TFAP2B: variants seen among roughly 807,000 people sequenced by gnomAD.
The protein encoded by TFAP2B is transcription factor AP-2 beta, also known as transcription factor AP-2-beta.
In TFAP2B, 9 loss-of-function variants were observed where a neutral mutation model predicts 44.3. That is an observed-to-expected ratio of 0.20 (90% CI 0.12 to 0.35). The LOEUF (loss-of-function observed/expected upper bound fraction) is 0.35. Ranked by LOEUF, TFAP2B falls within the 10% of genes least tolerant of loss-of-function variation. TFAP2B has a pLI of 1.00. For synonymous variants in TFAP2B, 270 were observed against 263.8 expected (o/e 1.02, Z -0.23); for missense variants, 509 against 600.0 (o/e 0.85, Z 1.59).
chr6:50,823,763 G>A lies in TFAP2B; in HGVS notation c.438G>A (p.Arg146=). The stretch of plus-strand genomic sequence containing the variant: ...GGAGGGACTACCACTCGGTCCGCCG[G>A]CCGGACGTGCTGCTGCATTCGGCGC... ...DPRRDYHSVR[R]PDVLLHSAHH... is the part of the protein sequence containing the mutation. Residue 146 remains arginine, a synonymous_variant, in exon 2 of 7, where the codon CGG becomes CGA. Transcript: ENST00000393655. The A allele has an allele frequency of 1.2e-6, 2 of 1,601,336 alleles. No homozygotes were observed. The highest frequency in any genetic ancestry group is 1.7e-6 in the Non-Finnish European group (2 of 1,173,944).
intron 2 of TFAP2B, among the ~76,000 whole-genome samples, chr6:50,824,495 G>A (rs1770448611): frequency 6.6e-6 from 1 of 152,194 alleles, no homozygotes; most frequent in African/African-American, 2.4e-5. Flanking sequence ...TAGAATATAT[G>A]TGAAGGAGAA....
rs1337657185 is a variant in TFAP2B, at chr6:50,827,575, C to T, written c.541-1044C>T. Among the ~76,000 whole-genome samples the T allele has an allele frequency of 2.6e-5, 4 of 152,184 alleles. 1 individual carries two copies. Among genetic ancestry groups the T allele is most frequent in the African/African-American group, 9.7e-5 (4 of 41,450 alleles). On this transcript the variant is annotated intron_variant, in intron 2 of 6. Coordinates refer to ENST00000393655, the MANE Select transcript of TFAP2B (RefSeq NM_003221.4). ...GTCGGTGTGAGTGCTGTGAAAACAGCTCCTCACTCTCAAGCCCTTTGCTTT... is the reference window on the plus strand; with the variant it reads ...GTCGGTGTGAGTGCTGTGAAAACAGTTCCTCACTCTCAAGCCCTTTGCTTT...
chr6:50,820,089 G>A (rs571785151), intron 1 of TFAP2B, among the ~76,000 whole-genome samples: 11 of 152,328 alleles, frequency 7.2e-5, no homozygotes, highest in Admixed American at 6.5e-4. Context: ...GTCGAGGCGG[G>A]CGAAGCGGGC....
chr6:50,841,113 TG>T (rs1762720193), intron 6 of TFAP2B, among the ~76,000 whole-genome samples: 1 of 152,266 alleles, frequency 6.6e-6, no homozygotes, highest in Admixed American at 6.5e-5. Flanking sequence ...GATTGGAATT[TG>T]ATTGCCCCTT....
chr6:50,824,154 C>T (rs1561958796), intron 2 of TFAP2B, among the ~76,000 whole-genome samples: 1 of 152,136 alleles, frequency 6.6e-6, no homozygotes, highest in South Asian at 2.1e-4. Context: ...AGAATAAAGG[C>T]GAATGCTTTT....
chr6:50,827,137 TCCAGG>T (rs1037580108), intron 2 of TFAP2B, among the ~76,000 whole-genome samples: 26 of 152,184 alleles, frequency 1.7e-4, no homozygotes, highest in African/African-American at 6.3e-4. Flanking sequence ...GGCTCCCGGG[TCCAGG>T]CCAGTGTAAG....
intron 1 of TFAP2B, among the ~76,000 whole-genome samples, chr6:50,822,518 C>T (rs1056863363): frequency 6.6e-6 from 1 of 152,140 alleles, no homozygotes; most frequent in Non-Finnish European, 1.5e-5. Context: ...GTCCACCTCC[C>T]TCATATACAC....
chr6:50,836,298 A>C lies in TFAP2B; in HGVS notation c.821+18A>C. 1 of 1,581,800 alleles carries C rather than the reference A, an allele frequency of 6.3e-7. No homozygotes were observed. Among genetic ancestry groups the C allele is most frequent in the Non-Finnish European group, 8.7e-7 (1 of 1,153,980 alleles). On this transcript the variant is annotated intron_variant, in intron 4 of 6. Coordinates refer to ENST00000393655, the MANE Select transcript of TFAP2B (RefSeq NM_003221.4). ...CTCAGAAGGTAACCCCACCACGAAA[A>C]ACAAAAACAAAAACAAAAAAACAAA... is the stretch of plus-strand genomic sequence containing the variant.
intron 3 of TFAP2B, among the ~76,000 whole-genome samples, chr6:50,834,625 T>C (rs916355894): frequency 1.3e-5 from 2 of 152,208 alleles, no homozygotes; most frequent in African/African-American, 4.8e-5. Context: ...GTTAGAGAAA[T>C]ACACAGTATT....
In TFAP2B at chr6:50,836,109, G is replaced by A. The variant is rs762192270; in HGVS notation, c.650G>A (p.Gly217Asp). 3 of 1,614,096 alleles carry A rather than the reference G, an allele frequency of 1.9e-6. No individual in the cohort carries two copies. The highest frequency in any genetic ancestry group is 2.5e-6 in the Non-Finnish European group (3 of 1,180,028). ...ACTTCTCTAATGATGAATAAAGACG[G>A]CTTCCTGGGAGGCATGTCTGTCAAC... ...SVTSLMMNKD[G>D]FLGGMSVNTG... The change falls in exon 4 of 7, where the codon GGC (glycine) becomes GAC (aspartate). Residue 217 changes from glycine (G) to aspartate (D), a missense_variant. Transcript: ENST00000393655.
intron 5 of TFAP2B, 56 bp from the exon 6 acceptor site, chr6:50,840,100 C>T: frequency 1.9e-5 from 30 of 1,609,504 alleles, no homozygotes; most frequent in Admixed American, 3.3e-5. Flanking sequence ...ATGTCTCCGC[C>T]CTGGGATATT....
At chr6:50,828,704 TA>T in intron 3 of TFAP2B, 25 bp downstream of exon 3, 1 of 1,613,468 alleles carries the variant, frequency 6.2e-7, no homozygotes, top group Non-Finnish European at 8.5e-7. Flanking sequence ...CCCCAAAAAG[TA>T]AGCAAAGTTC....
intron 6 of TFAP2B, 101 bp downstream of exon 6, chr6:50,840,398 G>T: frequency 2.0e-6 from 3 of 1,482,006 alleles, no homozygotes; most frequent in Non-Finnish European, 2.8e-6. Flanking sequence ...AAGCCAGAGG[G>T]TTGTCTAGAA....
intron 6 of TFAP2B, among the ~76,000 whole-genome samples, chr6:50,841,318 C>T (rs760048776): frequency 1.3e-5 from 2 of 152,150 alleles, no homozygotes; most frequent in Admixed American, 6.5e-5. Flanking sequence ...CAAAACCTGG[C>T]ATCCACCCTC....
rs1770251435 is a variant in TFAP2B, at chr6:50,819,086, T to G, written c.81+114T>G. 6.6e-6 allele frequency: 7 copies of G among 1,054,724 alleles called. No homozygotes were observed. The Admixed American group carries it at 1.0e-4, about 15-fold the overall frequency. 65.3% of individuals were successfully genotyped at this position (1,054,724 alleles called of 1,614,324 possible). A position where few individuals can be genotyped will look rare whatever the true frequency, so the allele number is the denominator to read the frequency against. On this transcript the variant is annotated intron_variant, in intron 1 of 6. Transcript: ENST00000393655. ...TATTTACTCGTAGATTTCCGGTCGG[T>G]TTTCTCAGCTTTTTTTAACTTTTAG...
intron 3 of TFAP2B, among the ~76,000 whole-genome samples, chr6:50,829,888 A>G (rs1770627757): frequency 6.6e-6 from 1 of 152,174 alleles, no homozygotes. Context: ...CTTGGAATGA[A>G]TATCCTAAAG....
chr6:50,841,439 G>T (rs1319634057), intron 6 of TFAP2B, among the ~76,000 whole-genome samples: 3 of 144,422 alleles, frequency 2.1e-5, no homozygotes, highest in Non-Finnish European at 3.1e-5. Context: ...GGGTGTGTGT[G>T]TGGGGGGGAT....
In TFAP2B at chr6:50,836,293, C is replaced by G. The variant is rs753351439; in HGVS notation, c.821+13C>G. On this transcript the variant is annotated intron_variant, in intron 4 of 6. Coordinates refer to ENST00000393655, the MANE Select transcript of TFAP2B (RefSeq NM_003221.4). ...GAGTCCTCAGAAGGTAACCCCACCA[C>G]GAAAAACAAAAACAAAAACAAAAAA... is the stretch of plus-strand genomic sequence containing the variant. The G allele has an allele frequency of 1.2e-6, 2 of 1,604,188 alleles. No homozygotes were observed. Among genetic ancestry groups the G allele is most frequent in the Non-Finnish European group, 1.7e-6 (2 of 1,173,164 alleles).
chr6:50,840,036 T>C (rs1762695265), intron 5 of TFAP2B, 120 bp from the exon 6 acceptor site: 1 of 1,358,762 alleles, frequency 7.4e-7, no homozygotes, highest in African/African-American at 1.4e-5. Context: ...TCACCTTTGC[T>C]TTTGGCTCCA....
Sources: allele counts gnomAD v4.1 joint callset (sites outside exome capture counted in the v4.1 genomes callset), GRCh38; gene constraint gnomAD v4.1.1; transcripts MANE v1.5; gene names NCBI Gene and HGNC (gene_info 2026-07-23, HGNC 2026-07-21).